Variants in FRMD4B observed in about 807,000 individuals in gnomAD.
The protein encoded by FRMD4B is FERM domain containing 4B, also known as FERM domain-containing protein 4B.
A neutral mutation model predicts 141.5 loss-of-function variants in FRMD4B; 74 were observed. That is an observed-to-expected ratio of 0.52 (90% CI 0.43 to 0.63). The LOEUF is 0.63. Ranked by LOEUF, FRMD4B falls within the 30% of genes least tolerant of loss-of-function variation. FRMD4B has a pLI of 0.00. For missense variants in FRMD4B, 1,366 were observed against 1,253.4 expected (o/e 1.09, Z -1.36); for synonymous variants, 506 against 467.9 (o/e 1.08, Z -1.05).
intron 1 of FRMD4B, among the ~76,000 whole-genome samples, chr3:69,441,286 G>C (rs989395428): frequency 2.6e-5 from 4 of 152,120 alleles, no homozygotes; most frequent in African/African-American, 9.7e-5. Context: ...AGTCAAGTGA[G>C]GCAGTGAGAG....
chr3:69,302,341 A>G lies in FRMD4B; in HGVS notation c.416+2T>C. On this transcript the variant is annotated splice_donor_variant, in intron 4 of 22. Transcript: ENST00000398540. LOFTEE classifies it high-confidence loss of function. ...ATGCTAACTGGGTCTGTGGATACAT[A>G]CCTCACAGCAAAGTGCAAAATGGTT... The G allele has an allele frequency of 6.4e-7, 1 of 1,551,816 alleles. No homozygotes were observed. Among genetic ancestry groups the G allele is most frequent in the Non-Finnish European group, 8.9e-7 (1 of 1,125,804 alleles).
chr3:69,277,082 T>C (rs1177863876), intron 5 of FRMD4B, among the ~76,000 whole-genome samples: 1 of 152,202 alleles, frequency 6.6e-6, no homozygotes, highest in Non-Finnish European at 1.5e-5. Context: ...AGAGGGAAGA[T>C]AAAAATAAAC....
rs2092649529 is a variant in FRMD4B, at chr3:69,176,655, C to T, written c.2853G>A (p.Val951=). ...PSSRASSYSS[V]SSTNASGNWR... ...AGTTCCCAGAAGCATTTGTAGAAGA[C>T]ACTGGAAATAAAAATGGAAAAAGAT... Residue 951 remains valine, a splice_region_variant and synonymous_variant, in exon 22 of 23, where the codon GTG becomes GTA. Transcript: ENST00000398540. The T allele has an allele frequency of 1.3e-6, 2 of 1,594,456 alleles. No individual in the cohort carries two copies. Among genetic ancestry groups the T allele is most frequent in the African/African-American group, 1.3e-5 (1 of 74,248 alleles).
intron 2 of FRMD4B, among the ~76,000 whole-genome samples, chr3:69,426,125 C>G (rs377506902): frequency 1.2e-4 from 19 of 152,206 alleles, no homozygotes; most frequent in East Asian, 7.7e-4. Flanking sequence ...GCCATGTTAT[C>G]AATAGGAATC....
chr3:69,367,887 T>C (rs1193923656), intron 1 of FRMD4B, among the ~76,000 whole-genome samples: 4 of 152,242 alleles, frequency 2.6e-5, no homozygotes, highest in Admixed American at 2.0e-4. Flanking sequence ...GACTGTGCTA[T>C]AAAAAGGTTG....
At chr3:69,391,626 G>A (rs1287157035) in intron 2 of FRMD4B, among the ~76,000 whole-genome samples, 5 of 152,164 alleles carry the variant, frequency 3.3e-5, no homozygotes, top group Non-Finnish European at 5.9e-5. Context: ...ACTAAACCCA[G>A]GTGGAATGCT....
At chr3:69,205,972 G>A (rs28522833) in intron 11 of FRMD4B, among the ~76,000 whole-genome samples, 1,950 of 152,264 alleles carry the variant, frequency 0.013, 46 homozygotes, top group African/African-American at 0.044. Context: ...AGTCAGCTGT[G>A]CTGAACTAAA....
intron 7 of FRMD4B, 73 bp from the exon 8 acceptor site, chr3:69,224,763 A>G: frequency 1.3e-6 from 1 of 743,846 alleles, no homozygotes; most frequent in Non-Finnish European, 2.4e-6. Flanking sequence ...CACCAAATGA[A>G]TTAGATTAAA....
intron 1 of FRMD4B, among the ~76,000 whole-genome samples, chr3:69,465,626 T>A (rs1182240549): frequency 6.6e-6 from 1 of 151,304 alleles, no homozygotes; most frequent in African/African-American, 2.4e-5. Context: ...CACCTATGAG[T>A]AAGAATATGT....
chr3:69,266,445 C>A (rs1347330065), intron 5 of FRMD4B, among the ~76,000 whole-genome samples: 1 of 152,086 alleles, frequency 6.6e-6, no homozygotes, highest in African/African-American at 2.4e-5. Flanking sequence ...CCTGCCTCAG[C>A]CTCCTAAGCA....
chr3:69,507,074 GCC>G (rs1706608466), intron 1 of FRMD4B, among the ~76,000 whole-genome samples: 1 of 152,254 alleles, frequency 6.6e-6, no homozygotes, highest in East Asian at 1.9e-4. Flanking sequence ...GTATTCTGAA[GCC>G]CCAAGATGGG....
chr3:69,485,569 C>T (rs951666314), intron 1 of FRMD4B, among the ~76,000 whole-genome samples: 3 of 152,200 alleles, frequency 2.0e-5, no homozygotes, highest in South Asian at 2.1e-4. Context: ...GGAGCTCCCA[C>T]CCCACCAACT....
At chr3:69,367,390 A>T (rs1037783033) in intron 1 of FRMD4B, among the ~76,000 whole-genome samples, 5 of 152,228 alleles carry the variant, frequency 3.3e-5, no homozygotes, top group African/African-American at 7.2e-5. Flanking sequence ...CCATCCCTCC[A>T]CACATACATG....
In FRMD4B at chr3:69,431,157, G is replaced by A. The variant is rs935421543; in HGVS notation, c.-1+1477C>T. Among the ~76,000 whole-genome samples the A allele has an allele frequency of 5.9e-5, 9 of 152,202 alleles. No individual in the cohort carries two copies. The South Asian group carries it at 8.3e-4, about 14-fold the overall frequency. On this transcript the variant is annotated intron_variant, in intron 2 of 5. Transcript: ENST00000459638. ...GGAGGTGAGGCTAGAGACAATGTCT[G>A]GGACCAGGTCAAGTCTAGCCTTACA...
chr3:69,182,670 C>A lies in FRMD4B; in HGVS notation c.1967G>T (p.Arg656Leu), dbSNP rs373504856. 22 of 1,613,410 alleles carry A rather than the reference C, an allele frequency of 1.4e-5. No individual in the cohort carries two copies. The African/African-American group carries it at 2.8e-4, about 21-fold the overall frequency. The change falls in exon 20 of 23, where the codon CGG becomes CTG. Residue 656 changes from arginine (R) to leucine (L), a missense_variant. Coordinates refer to ENST00000398540, the MANE Select transcript of FRMD4B (RefSeq NM_015123.3). ...GGGCATGCTTCGTCCTCCCTGGGGC[C>A]GCCTCTCCAGAGTTTTGTAAGGGCT... ...HSSPYKTLER[R>L]PQGGRSMPTT... is the part of the protein sequence containing the mutation.
At chr3:69,485,234 T>G (rs2107001674) in intron 1 of FRMD4B, among the ~76,000 whole-genome samples, 1 of 152,146 alleles carries the variant, frequency 6.6e-6, no homozygotes, top group South Asian at 2.1e-4. Context: ...CCAACTCCAC[T>G]CAGAGATTGG....
chr3:69,316,304 G>A (rs1559800582), intron 1 of FRMD4B, among the ~76,000 whole-genome samples: 1 of 152,150 alleles, frequency 6.6e-6, no homozygotes, highest in Admixed American at 6.5e-5. Flanking sequence ...AGGGGAAACA[G>A]AGCAAGTCTT....
At chr3:69,428,475 A>G (rs979001824) in intron 2 of FRMD4B, among the ~76,000 whole-genome samples, 66 of 151,364 alleles carry the variant, frequency 4.4e-4, no homozygotes, top group African/African-American at 1.6e-3. Flanking sequence ...TTGCACCACT[A>G]AAGTTAGGTG....
chr3:69,205,069 A>AAAAAAAAAAAAAAAAAAAG (rs1553700711), intron 11 of FRMD4B, among the ~76,000 whole-genome samples: 1 of 151,124 alleles, frequency 6.6e-6, no homozygotes, highest in African/African-American at 2.4e-5. Flanking sequence ...CAAAAAAAAA[A>AAAAAAAAAAAAAAAAAAAG]AAAAAGAAAA....
Sources: allele counts gnomAD v4.1 joint callset (sites outside exome capture counted in the v4.1 genomes callset), GRCh38; gene constraint gnomAD v4.1.1; transcripts MANE v1.5; gene names NCBI Gene and HGNC (gene_info 2026-07-23, HGNC 2026-07-21).